SCFD2: variants seen among roughly 807,000 people sequenced by gnomAD.
SCFD2 encodes sec1 family domain-containing protein 2.
A neutral mutation model predicts 58.9 loss-of-function variants in SCFD2; 54 were observed. The ratio of observed to expected loss-of-function variants is 0.92; its 90% CI spans 0.74 to 1.15. The LOEUF (loss-of-function observed/expected upper bound fraction) is 1.15. SCFD2 is among the 50% of genes most tolerant of loss of function. The pLI, the probability that SCFD2 is intolerant of heterozygous loss-of-function variation, is 0.00. For missense variants in SCFD2, 805 were observed against 836.6 expected, an observed-to-expected ratio of 0.96 and a Z score of 0.47; for synonymous variants, 321 against 335.9, an observed-to-expected ratio of 0.96 and a Z score of 0.49.
At chr4:52,887,202 A>G (rs1718759703) in intron 7 of SCFD2, among the ~76,000 whole-genome samples, 1 of 152,188 alleles carries the variant, frequency 6.6e-6, no homozygotes, top group South Asian at 2.1e-4. Flanking sequence ...GATGAAAGAG[A>G]ACAGGGCCCA....
At chr4:52,941,049 C>T (rs903123586) in intron 5 of SCFD2, among the ~76,000 whole-genome samples, 6 of 151,918 alleles carry the variant, frequency 3.9e-5, no homozygotes, top group Non-Finnish European at 7.4e-5. Flanking sequence ...TTCTGAGACC[C>T]TCTATCCAAG....
Position 53,167,462 on chromosome 4 carries a change from C to T in SCFD2, c.1312-21880G>A, listed in dbSNP as rs187468416. 3.7e-4 allele frequency among the ~76,000 whole-genome samples: 56 copies of T among 152,250 alleles called. No homozygotes were observed. The East Asian group carries it at 4.2e-3, about 12-fold the overall frequency. On this transcript the variant is annotated intron_variant, in intron 4 of 8. Coordinates refer to ENST00000401642, the MANE Select transcript of SCFD2 (RefSeq NM_152540.4). ...TGATGCAAGGGACAAATCTAACTTA[C>T]GGAGAATACTGAATATTGAGCAGGA... is the stretch of plus-strand genomic sequence containing the variant.
intron 2 of SCFD2, among the ~76,000 whole-genome samples, chr4:53,330,167 C>T (rs1277202439): frequency 3.9e-5 from 6 of 152,296 alleles, no homozygotes; most frequent in East Asian, 1.9e-4. Context: ...TTGGAAAACA[C>T]GCTGCAGGAT....
chr4:53,313,491 C>A lies in SCFD2; in HGVS notation c.1135+145G>T. ...TTGCTGAGCCCAAGGGCAGCGTGCA[C>A]ATATTCCTTCCCTATTCTTTCAACA... is the stretch of plus-strand genomic sequence containing the variant. On this transcript the variant is annotated intron_variant, in intron 3 of 8. Transcript: ENST00000401642. The A allele has an allele frequency of 1.1e-5, 9 of 845,960 alleles. No individual in the cohort carries two copies. The South Asian group carries it at 1.4e-4, about 13-fold the overall frequency. The allele number at this position is 845,960 out of a possible 1,614,324, so 52.4% of individuals were successfully genotyped here.
intron 4 of SCFD2, among the ~76,000 whole-genome samples, chr4:53,214,019 T>A (rs1577849350): frequency 2.0e-5 from 3 of 152,130 alleles, no homozygotes; most frequent in African/African-American, 7.2e-5. Flanking sequence ...TATCCCATGG[T>A]GTGTATGTGC....
chr4:53,227,066 A>G (rs1729240430), intron 4 of SCFD2, among the ~76,000 whole-genome samples: 2 of 152,156 alleles, frequency 1.3e-5, no homozygotes, highest in South Asian at 4.1e-4. Flanking sequence ...AAGATGGAGC[A>G]TGTGGCTGAC....
At chr4:53,315,824 A>C (rs1732845659) in intron 2 of SCFD2, among the ~76,000 whole-genome samples, 1 of 152,162 alleles carries the variant, frequency 6.6e-6, no homozygotes, top group Admixed American at 6.5e-5. Context: ...TTCCATGAGA[A>C]TATGTATCTG....
chr4:53,274,493 G>A (rs1202070517), intron 3 of SCFD2, among the ~76,000 whole-genome samples: 2 of 152,048 alleles, frequency 1.3e-5, no homozygotes, highest in East Asian at 1.9e-4. Flanking sequence ...GACAATATTC[G>A]TGAGATAAAA....
chr4:53,245,195 C>T (rs1730027921), intron 4 of SCFD2, among the ~76,000 whole-genome samples: 1 of 151,848 alleles, frequency 6.6e-6, no homozygotes, highest in African/African-American at 2.4e-5. Flanking sequence ...AGAGCTGGTA[C>T]AATTGCTACT....
chr4:53,220,859 A>T (rs1242240838), intron 4 of SCFD2, among the ~76,000 whole-genome samples: 1 of 152,218 alleles, frequency 6.6e-6, no homozygotes, highest in Non-Finnish European at 1.5e-5. Flanking sequence ...CCCTAATTCA[A>T]ATTACATGCA....
intron 5 of SCFD2, among the ~76,000 whole-genome samples, chr4:53,043,933 A>AAC (rs1448709940): frequency 6.6e-6 from 1 of 152,168 alleles, no homozygotes; most frequent in Non-Finnish European, 1.5e-5. Flanking sequence ...TCAATAGTAA[A>AAC]ACATGTCACA....
chr4:53,207,885 C>T (rs1423463184), intron 4 of SCFD2, among the ~76,000 whole-genome samples: 4 of 151,312 alleles, frequency 2.6e-5, no homozygotes, highest in Non-Finnish European at 5.9e-5. Flanking sequence ...GCCAGTGGAA[C>T]CACCAGCCAA....
chr4:53,252,776 A>G (rs1455049107), intron 4 of SCFD2, among the ~76,000 whole-genome samples: 1 of 152,238 alleles, frequency 6.6e-6, no homozygotes, highest in Non-Finnish European at 1.5e-5. Flanking sequence ...ACCTAAAACC[A>G]TAAAAACCCT....
intron 7 of SCFD2, among the ~76,000 whole-genome samples, chr4:52,898,442 T>C (rs948291682): frequency 1.2e-4 from 18 of 152,204 alleles, no homozygotes; most frequent in African/African-American, 4.3e-4. Flanking sequence ...GGTTGTTCAG[T>C]TTCCATGTAG....
chr4:53,233,551 T>C (rs1729504477), intron 4 of SCFD2, among the ~76,000 whole-genome samples: 1 of 152,206 alleles, frequency 6.6e-6, no homozygotes. Flanking sequence ...CATGATATCA[T>C]TGCTTCTAAA....
At chr4:52,987,430 T>TG (rs1417025697) in intron 5 of SCFD2, among the ~76,000 whole-genome samples, 1 of 152,250 alleles carries the variant, frequency 6.6e-6, no homozygotes, top group Non-Finnish European at 1.5e-5. Context: ...CATTTTCAAA[T>TG]GGCCATTCCT....
chr4:53,361,632 A>G (rs1734551343), intron 1 of SCFD2, among the ~76,000 whole-genome samples: 1 of 152,180 alleles, frequency 6.6e-6, no homozygotes, highest in Non-Finnish European at 1.5e-5. Context: ...CCTAGGCTCC[A>G]GTGATTCACC....
intron 4 of SCFD2, among the ~76,000 whole-genome samples, chr4:53,191,356 T>C (rs1304050608): frequency 1.3e-5 from 2 of 152,044 alleles, no homozygotes; most frequent in African/African-American, 4.8e-5. Flanking sequence ...GTGATATTCA[T>C]TAGCAAAAAA....
At chr4:52,941,960 T>C (rs924302675) in intron 5 of SCFD2, among the ~76,000 whole-genome samples, 1 of 152,228 alleles carries the variant, frequency 6.6e-6, no homozygotes, top group Non-Finnish European at 1.5e-5. Context: ...TTGAGTATCA[T>C]GCCAGAGCTC....
Sources: allele counts gnomAD v4.1 joint callset (sites outside exome capture counted in the v4.1 genomes callset), GRCh38; gene constraint gnomAD v4.1.1; transcripts MANE v1.5; gene names NCBI Gene and HGNC (gene_info 2026-07-23, HGNC 2026-07-21).